Variants in IRAK2 observed in about 807,000 individuals in gnomAD.
The protein encoded by IRAK2 is interleukin-1 receptor-associated kinase-like 2.
Under a neutral mutation model 72.0 loss-of-function variants are expected in IRAK2, and 57 were observed. That is an observed-to-expected ratio of 0.79 (90% CI 0.64 to 0.99). IRAK2 has a LOEUF of 0.99. Ranked by LOEUF, IRAK2 falls within the 50% of genes least tolerant of loss-of-function variation. The pLI, the probability that IRAK2 is intolerant of heterozygous loss-of-function variation, is 0.00. For missense variants in IRAK2, 790 were observed against 794.4 expected, an observed-to-expected ratio of 0.99 and a Z score of 0.07; for synonymous variants, 293 against 312.7, an observed-to-expected ratio of 0.94 and a Z score of 0.67.
At chr3:10,241,123 A>G (rs1374293973) in intron 12 of IRAK2, among the ~76,000 whole-genome samples, 1 of 151,808 alleles carries the variant, frequency 6.6e-6, no homozygotes, top group Non-Finnish European at 1.5e-5. Flanking sequence ...GAAAATGCTC[A>G]TTACAGCTGG....
In IRAK2 at chr3:10,177,545, C is replaced by T. The variant is rs1250138438; in HGVS notation, c.95-293C>T. On this transcript the variant is annotated intron_variant, in intron 1 of 12. Transcript: ENST00000256458. ...GGCAGAGCTAGTACCCACTGAGGCT[C>T]CCACGGGCGCAGTGACTGCCCCAGG... Among the ~76,000 whole-genome samples, 4 of 152,274 alleles carry T rather than the reference C, an allele frequency of 2.6e-5. No homozygotes were observed. In the East Asian group the frequency reaches 5.8e-4, roughly 22 times the overall value.
chr3:10,207,095 T>C (rs893132598), intron 3 of IRAK2, among the ~76,000 whole-genome samples: 2 of 151,350 alleles, frequency 1.3e-5, no homozygotes, highest in African/African-American at 4.9e-5. Context: ...TTTGTTTTTT[T>C]GTTTGTTTGT....
chr3:10,199,780 G>T (rs1258171595), intron 2 of IRAK2, among the ~76,000 whole-genome samples: 11 of 152,228 alleles, frequency 7.2e-5, no homozygotes, highest in African/African-American at 2.6e-4. Flanking sequence ...GAGGAGGAAG[G>T]TGACTTGTTG....
At position 10,188,973 on chromosome 3, in the gene IRAK2, T is replaced by C. The variant is rs551084536; in HGVS notation, c.277+10953T>C. 2.0e-3 allele frequency among the ~76,000 whole-genome samples: 306 copies of C among 152,386 alleles called. 6 individuals are homozygous for C. Among genetic ancestry groups the C allele is most frequent in the South Asian group, 1.9e-3 (9 of 4,830 alleles). ...ACTGCGCCTGGCCTAAAAATACATT[T>C]GCTGAGTGCCTACTGTGCGCTAGAT... On this transcript the variant is annotated intron_variant, in intron 2 of 12. Transcript: ENST00000256458.
In IRAK2 at chr3:10,242,342, T is replaced by C; in HGVS notation, c.*114T>C. The C allele has an allele frequency of 3.4e-6, 2 of 594,164 alleles. No individual in the cohort carries two copies. Among genetic ancestry groups the C allele is most frequent in the Non-Finnish European group, 5.9e-6 (2 of 336,606 alleles). The allele number at this position is 594,164 out of a possible 1,614,324, so 36.8% of individuals were successfully genotyped here. On this transcript the variant is annotated 3_prime_UTR_variant, in exon 13 of 13. Coordinates refer to ENST00000256458, the MANE Select transcript of IRAK2 (RefSeq NM_001570.4). Reference sequence around the variant, plus strand: ...GCCAGGAAACACACAACAAAACATCTGCTGTCCTGGGTGGGAGGGAAACTT... The same window carrying C: ...GCCAGGAAACACACAACAAAACATCCGCTGTCCTGGGTGGGAGGGAAACTT...
intron 2 of IRAK2, among the ~76,000 whole-genome samples, chr3:10,182,747 A>G (rs968401458): frequency 2.0e-5 from 3 of 150,850 alleles, no homozygotes; most frequent in Admixed American, 1.3e-4. Flanking sequence ...TTATCTCTAT[A>G]GTAGTTCAAA....
chr3:10,218,139 T>C (rs561833742), intron 7 of IRAK2, among the ~76,000 whole-genome samples: 3 of 152,180 alleles, frequency 2.0e-5, no homozygotes, highest in Non-Finnish European at 4.4e-5. Context: ...AAATAGGTGA[T>C]GAGGCTGGGC....
chr3:10,235,789 G>C (rs1697946748), intron 11 of IRAK2, among the ~76,000 whole-genome samples: 1 of 152,158 alleles, frequency 6.6e-6, no homozygotes, highest in Non-Finnish European at 1.5e-5. Context: ...GAGAAGATGA[G>C]GCCACAGAAC....
intron 1 of IRAK2, among the ~76,000 whole-genome samples, chr3:10,175,817 G>T (rs1352840858): frequency 1.3e-5 from 2 of 149,500 alleles, no homozygotes; most frequent in Non-Finnish European, 3.0e-5. Flanking sequence ...CTGAACCCGG[G>T]AGGCGGAGCT....
At chr3:10,177,176 A>G (rs985135114) in intron 1 of IRAK2, among the ~76,000 whole-genome samples, 5 of 152,122 alleles carry the variant, frequency 3.3e-5, no homozygotes, top group Admixed American at 1.3e-4. Flanking sequence ...AGCTCCAGCA[A>G]TCCCTCCTTG....
At chr3:10,185,558 CAAAAAA>C (rs770606601) in intron 2 of IRAK2, among the ~76,000 whole-genome samples, 4 of 70,114 alleles carry the variant, frequency 5.7e-5, no homozygotes, top group African/African-American at 1.9e-4. Context: ...AACTCCGTCT[CAAAAAA>C]AAAAAAAAAA....
At chr3:10,193,001 A>G (rs1283012895) in intron 2 of IRAK2, among the ~76,000 whole-genome samples, 1 of 151,678 alleles carries the variant, frequency 6.6e-6, no homozygotes, top group Non-Finnish European at 1.5e-5. Flanking sequence ...TCCACATCTC[A>G]TTTGTCGGAT....
At chr3:10,171,247 G>A (rs927921704) in intron 1 of IRAK2, among the ~76,000 whole-genome samples, 2 of 152,182 alleles carry the variant, frequency 1.3e-5, no homozygotes, top group Non-Finnish European at 2.9e-5. Flanking sequence ...TCACTCATGC[G>A]TGTGCCAGCC....
intron 2 of IRAK2, among the ~76,000 whole-genome samples, chr3:10,188,120 C>G (rs1293721354): frequency 6.6e-6 from 1 of 152,106 alleles, no homozygotes; most frequent in Non-Finnish European, 1.5e-5. Flanking sequence ...GGAGAATCCA[C>G]TATAATCAAT....
chr3:10,234,611 C>T lies in IRAK2; in HGVS notation c.1425C>T (p.Ala475=). 1.2e-6 allele frequency: 2 copies of T among 1,613,308 alleles called. No homozygotes were observed. The highest frequency in any genetic ancestry group is 1.1e-5 in the South Asian group (1 of 91,080). The change falls in exon 11 of 13, where the codon GCC becomes GCT. Residue 475 remains alanine (A), a synonymous_variant. Transcript: ENST00000256458. ...RLPEDCAEAL[A]TAACLCLRRR... is the part of the protein sequence containing the mutation. The stretch of plus-strand genomic sequence containing the variant: ...CGGAGGACTGCGCCGAGGCCCTGGC[C>T]ACGGCTGCCTGCCTGTGCCTGCGGA...
intron 1 of IRAK2, among the ~76,000 whole-genome samples, chr3:10,174,800 C>T (rs556035220): frequency 2.0e-5 from 3 of 151,950 alleles, no homozygotes; most frequent in African/African-American, 7.2e-5. Context: ...GCTGGGATTA[C>T]AGGCATGAAC....
chr3:10,241,449 C>T (rs1698059781), intron 12 of IRAK2, among the ~76,000 whole-genome samples: 1 of 150,670 alleles, frequency 6.6e-6, no homozygotes, highest in African/African-American at 2.4e-5. Flanking sequence ...ATCCCAGCTA[C>T]TCAGGAGGCT....
intron 3 of IRAK2, among the ~76,000 whole-genome samples, chr3:10,207,300 C>T (rs893891916): frequency 1.3e-5 from 2 of 152,178 alleles, no homozygotes; most frequent in Non-Finnish European, 2.9e-5. Context: ...TCATTCCTTT[C>T]CTGATGTTGT....
At chr3:10,186,332 G>C (rs937496952) in intron 2 of IRAK2, among the ~76,000 whole-genome samples, 1 of 151,686 alleles carries the variant, frequency 6.6e-6, no homozygotes, top group Non-Finnish European at 1.5e-5. Flanking sequence ...ACACAGTTCT[G>C]TCAAAAAACT....
Sources: gnomAD v4.1 joint callset for allele counts (sites outside exome capture counted in the v4.1 genomes callset) on GRCh38, gnomAD v4.1.1 for gene constraint, MANE v1.5 for transcripts, NCBI Gene and HGNC (gene_info 2026-07-23, HGNC 2026-07-21) for gene names.